HCRTR2: variants seen among roughly 807,000 people sequenced by gnomAD.
HCRTR2 encodes the protein orexin receptor type 2.
HCRTR2 carries 22 observed loss-of-function variants against 49.0 expected under a neutral mutation model. The observed-to-expected ratio is 0.45, with a 90% CI of 0.32 to 0.64. HCRTR2 has a LOEUF of 0.64. Among genes scored for constraint, HCRTR2 ranks in the 30% least tolerant of loss-of-function variants. The pLI is 0.04. For synonymous variants in HCRTR2, 236 were observed against 205.3 expected (o/e 1.15, Z -1.28); for missense variants, 491 against 559.4 (o/e 0.88, Z 1.23).
chr6:55,157,424 G>A (rs1047756360), intron 1 of HCRTR2, among the ~76,000 whole-genome samples: 1 of 152,252 alleles, frequency 6.6e-6, no homozygotes, highest in Non-Finnish European at 1.5e-5. Flanking sequence ...CTCTTGGATG[G>A]CATCTCTGGA....
At chr6:55,210,791 G>A (rs1266808847) in intron 1 of HCRTR2, among the ~76,000 whole-genome samples, 2 of 152,076 alleles carry the variant, frequency 1.3e-5, no homozygotes, top group Admixed American at 6.6e-5. Flanking sequence ...ACTTGCAACA[G>A]CAACAACAAT....
At chr6:55,172,383 T>G (rs1764963762), upstream of HCRTR2, among the ~76,000 whole-genome samples, 2 of 151,372 alleles carry the variant, frequency 1.3e-5, no homozygotes, top group Non-Finnish European at 3.0e-5. Context: ...TGTTAGTTTG[T>G]TTTTTTTTAA....
Position 55,174,659 on chromosome 6 carries a change from T to G in HCRTR2, c.72T>G (p.Thr24=). 1.9e-6 allele frequency: 3 copies of G among 1,613,972 alleles called. No individual in the cohort carries two copies. The highest frequency in any genetic ancestry group is 2.5e-6 in the Non-Finnish European group (3 of 1,179,990). The change falls in exon 1 of 7, where the codon ACT becomes ACG. Residue 24 remains threonine, a synonymous_variant. Transcript: ENST00000370862. ...CATCTGCTTCGGAGCTGAATGAAACTCAAGAGCCCTTTTTAAACCCCACCG... is the reference window on the plus strand; with the variant it reads ...CATCTGCTTCGGAGCTGAATGAAACGCAAGAGCCCTTTTTAAACCCCACCG... ...NWSSASELNE[T]QEPFLNPTDY... is the part of the protein sequence containing the mutation.
intron 1 of HCRTR2, among the ~76,000 whole-genome samples, chr6:55,227,142 A>C (rs1396016337): frequency 1.3e-5 from 2 of 151,938 alleles, no homozygotes; most frequent in Non-Finnish European, 2.9e-5. Context: ...ATTTTTTTTT[A>C]ATCCATGTGT....
At position 55,109,680 on chromosome 6, in the gene HCRTR2, A is replaced by AT. The variant is rs35555419; in HGVS notation, c.-378+3145dup. ...AATCTGATAAAGACAAAGAAAAAAG[A>AT]TTTTTTTTTTAATGAAAAAAGCCTC... On this transcript the variant is annotated intron_variant, in intron 1 of 7. Coordinates refer to the HCRTR2 transcript ENST00000615358. 6.9e-3 allele frequency among the ~76,000 whole-genome samples: 1,050 copies of AT among 151,086 alleles called. 8 individuals are homozygous for AT. The highest frequency in any genetic ancestry group is 0.022 in the South Asian group (104 of 4,806).
intron 4 of HCRTR2, among the ~76,000 whole-genome samples, chr6:55,268,358 T>C (rs997547706): frequency 3.3e-5 from 5 of 151,926 alleles, no homozygotes; most frequent in Admixed American, 2.0e-4. Context: ...TTCTTAATAA[T>C]TAGATTAAAT....
intron 1 of HCRTR2, among the ~76,000 whole-genome samples, chr6:55,214,622 T>G (rs750842054): frequency 7.2e-5 from 11 of 152,056 alleles, no homozygotes; most frequent in Non-Finnish European, 1.2e-4. Context: ...ATTACAGGCA[T>G]GAGCCACCAT....
chr6:55,165,788 T>TATAC (rs1764867745), intron 1 of HCRTR2, among the ~76,000 whole-genome samples: 1 of 104,038 alleles, frequency 9.6e-6, no homozygotes, highest in East Asian at 2.8e-4. Context: ...TATATATATA[T>TATAC]ACTCTTACAC....
chr6:55,148,847 A>G (rs1764628035), intron 1 of HCRTR2, among the ~76,000 whole-genome samples: 2 of 152,130 alleles, frequency 1.3e-5, no homozygotes, highest in Admixed American at 1.3e-4. Flanking sequence ...AAATTTTAAG[A>G]ACCAGCATTT....
chr6:55,185,059 A>T (rs535412287), intron 1 of HCRTR2, among the ~76,000 whole-genome samples: 1 of 152,292 alleles, frequency 6.6e-6, no homozygotes, highest in East Asian at 1.9e-4. Flanking sequence ...GGTGTGATTA[A>T]ATGCTTAAGA....
rs187305712 is a variant in HCRTR2 at position 55,228,744 on chromosome 6, C to T, written c.224-19895C>T. Among the ~76,000 whole-genome samples, 7 of 152,268 alleles carry T rather than the reference C, an allele frequency of 4.6e-5. No individual in the cohort carries two copies. The East Asian group carries it at 1.2e-3, about 25-fold the overall frequency. On this transcript the variant is annotated intron_variant, in intron 1 of 6. Transcript: ENST00000370862. ...AGTAAGTTCACTTGTATTCTTAAAA[C>T]TTCACAGAATGAAAAATTAAAAATT...
chr6:55,116,810 T>A (rs1301810325), intron 1 of HCRTR2, among the ~76,000 whole-genome samples: 4 of 151,244 alleles, frequency 2.6e-5, no homozygotes, highest in African/African-American at 9.7e-5. Context: ...AATGATGAGC[T>A]CCAAGTGACT....
In HCRTR2 at chr6:55,134,457, T is replaced by C. The variant is rs539109159; in HGVS notation, c.-378+27912T>C. ...CATCATCTCACATAGGTACCATTTGTGTGTGTGTGTGTGTATGTATAGTGA... is the reference window on the plus strand; with the variant it reads ...CATCATCTCACATAGGTACCATTTGCGTGTGTGTGTGTGTATGTATAGTGA... On this transcript the variant is annotated intron_variant, in intron 1 of 7. Coordinates refer to the HCRTR2 transcript ENST00000615358. Among the ~76,000 whole-genome samples, 508 of 151,024 alleles carry C rather than the reference T, an allele frequency of 3.4e-3. 7 individuals carry two copies. The highest frequency in any genetic ancestry group is 0.012 in the African/African-American group (482 of 41,292).
intron 1 of HCRTR2, among the ~76,000 whole-genome samples, chr6:55,228,594 A>G (rs1023140652): frequency 2.0e-5 from 3 of 152,144 alleles, no homozygotes; most frequent in Admixed American, 6.5e-5. Flanking sequence ...AAAATATCCA[A>G]TAACATGCCC....
chr6:55,224,656 A>G (rs757129126), intron 1 of HCRTR2, among the ~76,000 whole-genome samples: 1 of 151,906 alleles, frequency 6.6e-6, no homozygotes, highest in Non-Finnish European at 1.5e-5. Flanking sequence ...AAAACGTGGT[A>G]TATATACACA....
rs1162560980 is a variant in HCRTR2 at position 55,282,410 on chromosome 6, A to G, written c.1291A>G (p.Thr431Ala). The change falls in exon 7 of 7, where the codon ACA (threonine) becomes GCA (alanine). Residue 431 changes from threonine to alanine, a missense_variant. Transcript: ENST00000370862. ...GCAAGTTGTGCTCACTAGCATAAGC[A>G]CACTCCCAGCAGCCAATGGAGCAGG... is the stretch of plus-strand genomic sequence containing the variant. ...SEQVVLTSIS[T>A]LPAANGAGPL... The G allele has an allele frequency of 6.2e-7, 1 of 1,612,438 alleles. No individual in the cohort carries two copies. The highest frequency in any genetic ancestry group is 8.5e-7 in the Non-Finnish European group (1 of 1,178,736).
chr6:55,172,703 A>G (rs1224736169), upstream of HCRTR2, among the ~76,000 whole-genome samples: 3 of 152,156 alleles, frequency 2.0e-5, no homozygotes, highest in African/African-American at 7.2e-5. Context: ...TTTCCCCAGG[A>G]ACAGCTTCCT....
chr6:55,116,859 T>C (rs1187313269), intron 1 of HCRTR2, among the ~76,000 whole-genome samples: 2 of 151,662 alleles, frequency 1.3e-5, no homozygotes, highest in African/African-American at 4.8e-5. Context: ...TAATTTGTGG[T>C]AAAAGGAAAG....
At chr6:55,122,996 T>A (rs1764223219) in intron 1 of HCRTR2, among the ~76,000 whole-genome samples, 1 of 150,172 alleles carries the variant, frequency 6.7e-6, no homozygotes, top group South Asian at 2.2e-4. Flanking sequence ...AGGGATAGCA[T>A]TAGGAGATAT....
Sources: allele counts gnomAD v4.1 joint callset (sites outside exome capture counted in the v4.1 genomes callset), GRCh38; gene constraint gnomAD v4.1.1; transcripts MANE v1.5; gene names NCBI Gene and HGNC (gene_info 2026-07-23, HGNC 2026-07-21).